The following PLEKHM1 variants were observed in gnomAD, a reference collection of about 807,000 sequenced individuals.
PLEKHM1 encodes pleckstrin homology and RUN domain containing M1.
In PLEKHM1, 28 loss-of-function variants were observed where a neutral mutation model predicts 94.3. That is an observed-to-expected ratio of 0.30 (90% CI 0.22 to 0.41). The LOEUF (loss-of-function observed/expected upper bound fraction) is 0.41, where lower values mean the gene tolerates loss of function less well. PLEKHM1 is among the 10% of genes least tolerant of loss of function. The pLI, the probability that PLEKHM1 is intolerant of heterozygous loss-of-function variation, is 1.00. For synonymous variants in PLEKHM1, 424 were observed against 581.2 expected (o/e 0.73, Z 3.89); for missense variants, 907 against 1,358.6 (o/e 0.67, Z 5.22).
chr17:45,446,837 A>G (rs2050621756), intron 8 of PLEKHM1, among the ~76,000 whole-genome samples: 1 of 152,150 alleles, frequency 6.6e-6, no homozygotes, highest in African/African-American at 2.4e-5. Flanking sequence ...TGCCTCCACC[A>G]CTTTATACCT....
At position 45,436,051 on chromosome 17, in the gene PLEKHM1, A is replaced by C. The variant is rs2050245484; in HGVS notation, c.*1807T>G. ...ATAACATTTTAAAAATAGTGTGGGCACTACCTTTCTGAGGGAGGGGAGGCG... is the reference window on the plus strand; with the variant it reads ...ATAACATTTTAAAAATAGTGTGGGCCCTACCTTTCTGAGGGAGGGGAGGCG... On this transcript the variant is annotated 3_prime_UTR_variant, in exon 12 of 12. Transcript: ENST00000430334. 2.2e-6 allele frequency: 1 copy of C among 456,528 alleles called. No individual in the cohort carries two copies. Among genetic ancestry groups the C allele is most frequent in the South Asian group, 1.5e-5 (1 of 64,580 alleles). 28.3% of individuals were successfully genotyped at this position (456,528 alleles called of 1,614,324 possible).
chr17:45,478,224 G>A, intron 2 of PLEKHM1, 77 bp from the exon 3 acceptor site: 2 of 1,582,038 alleles, frequency 1.3e-6, no homozygotes, highest in Non-Finnish European at 1.7e-6. Flanking sequence ...TCCTTTAGCT[G>A]GTGCCAAATA....
intron 1 of PLEKHM1, among the ~76,000 whole-genome samples, chr17:45,486,573 CA>C (rs1159287439): frequency 4.2e-5 from 6 of 142,208 alleles, no homozygotes; most frequent in Admixed American, 7.1e-5. Flanking sequence ...GACTCCATCT[CA>C]AAAAAAAAAA....
At chr17:45,483,552 T>G (rs2052023085) in intron 1 of PLEKHM1, among the ~76,000 whole-genome samples, 3 of 151,866 alleles carry the variant, frequency 2.0e-5, no homozygotes, top group South Asian at 4.2e-4. Flanking sequence ...CATTCACACG[T>G]AAACAAATCT....
Position 45,468,443 on chromosome 17 carries a change from G to A in PLEKHM1, c.1074C>T (p.Pro358=), listed in dbSNP as rs1278210451. The part of the protein sequence containing the change: ...TYLHCEAPAE[P]LPAQAASGTQ... ...TTCCAGAGGCTGCCTGGGCAGGAAG[G>A]GGCTCTGCAGGTGCCTCACAGTGCA... Residue 358 remains proline, a synonymous_variant, in exon 5 of 12, where the codon CCC becomes CCT. Transcript: ENST00000430334. 3 of 1,614,104 alleles carry A rather than the reference G, an allele frequency of 1.9e-6. No individual in the cohort carries two copies. The African/African-American group carries it at 4.0e-5, about 22-fold the overall frequency.
chr17:45,467,328 C>T (rs1198139785), intron 5 of PLEKHM1, among the ~76,000 whole-genome samples: 4 of 152,176 alleles, frequency 2.6e-5, no homozygotes, highest in Admixed American at 6.5e-5. Context: ...TGAAATCCAG[C>T]GCTTATTTCA....
At chr17:45,443,120 T>C (rs1023513275) in intron 9 of PLEKHM1, among the ~76,000 whole-genome samples, 1 of 152,066 alleles carries the variant, frequency 6.6e-6, no homozygotes, top group Non-Finnish European at 1.5e-5. Flanking sequence ...GCTTGGAAGA[T>C]TGACCTTTGT....
chr17:45,471,466 A>C (rs1224862676), intron 4 of PLEKHM1, among the ~76,000 whole-genome samples: 1 of 151,606 alleles, frequency 6.6e-6, no homozygotes, highest in Non-Finnish European at 1.5e-5. Context: ...AGAGAATTAA[A>C]AACATGTCTA....
chr17:45,486,060 CA>C (rs553932438), intron 1 of PLEKHM1, among the ~76,000 whole-genome samples: 24 of 142,432 alleles, frequency 1.7e-4, no homozygotes, highest in East Asian at 8.6e-4. Flanking sequence ...ACTAAAAATA[CA>C]AAAAAATTAG....
intron 2 of PLEKHM1, among the ~76,000 whole-genome samples, chr17:45,480,063 G>A (rs1405701484): frequency 6.6e-6 from 1 of 151,942 alleles, no homozygotes; most frequent in African/African-American, 2.4e-5. Flanking sequence ...AGTTAAATTT[G>A]AAAAAATATA....
chr17:45,479,406 T>C (rs538679674), intron 2 of PLEKHM1, among the ~76,000 whole-genome samples: 1 of 151,704 alleles, frequency 6.6e-6, no homozygotes, highest in East Asian at 1.9e-4. Flanking sequence ...TAGTCCCAGC[T>C]ACGCGGGAGG....
chr17:45,461,839 T>C lies in PLEKHM1; in HGVS notation c.1309-3400A>G, dbSNP rs540514160. ...ATGGGGTTGCGGGGAGCATCTGGGG[T>C]GAGTGGGCTTGTGGGAGTGGATTCT... is the stretch of plus-strand genomic sequence containing the variant. On this transcript the variant is annotated intron_variant, in intron 5 of 11. Transcript: ENST00000430334. 1.8e-4 allele frequency among the ~76,000 whole-genome samples: 28 copies of C among 152,062 alleles called. 1 individual carries two copies. The East Asian group carries it at 5.4e-3, about 29-fold the overall frequency.
chr17:45,440,825 A>C, intron 9 of PLEKHM1: 1 of 183,460 alleles, frequency 5.5e-6, no homozygotes, highest in Non-Finnish European at 1.2e-5. Context: ...CATTATTGCC[A>C]CCATTACATA....
intron 7 of PLEKHM1, among the ~76,000 whole-genome samples, chr17:45,451,888 G>A (rs1345356825): frequency 6.6e-6 from 1 of 152,252 alleles, no homozygotes; most frequent in African/African-American, 2.4e-5. Flanking sequence ...AAGTGTGAGC[G>A]CTGGGGCAGG....
intron 2 of PLEKHM1, among the ~76,000 whole-genome samples, chr17:45,479,618 A>G (rs1267087208): frequency 6.6e-6 from 1 of 152,048 alleles, no homozygotes; most frequent in Non-Finnish European, 1.5e-5. Flanking sequence ...CCCAGGAGGC[A>G]GAGGTTGTAC....
At chr17:45,489,876 G>A (rs1018734653) in intron 1 of PLEKHM1, among the ~76,000 whole-genome samples, 7 of 152,090 alleles carry the variant, frequency 4.6e-5, no homozygotes, top group African/African-American at 1.4e-4. Context: ...GGGGTGAAAG[G>A]ACATGGAGAT....
chr17:45,472,565 G>A (rs2051551373), intron 4 of PLEKHM1, among the ~76,000 whole-genome samples: 1 of 152,198 alleles, frequency 6.6e-6, no homozygotes, highest in Non-Finnish European at 1.5e-5. Flanking sequence ...CCCTGTGCCT[G>A]GGTCACACTG....
chr17:45,439,369 A>G lies in PLEKHM1; in HGVS notation c.3059+108T>C. ...TGGCACAGCACAAAGTGGATGTTCA[A>G]TAAGTTCCTGCCCACAGAGCGAAGC... is the stretch of plus-strand genomic sequence containing the variant. On this transcript the variant is annotated intron_variant, in intron 11 of 11. Coordinates refer to ENST00000430334, the MANE Select transcript of PLEKHM1 (RefSeq NM_014798.3). The G allele has an allele frequency of 3.9e-6, 5 of 1,282,198 alleles. 1 individual carries two copies. The highest frequency in any genetic ancestry group is 3.7e-5 in the South Asian group (3 of 81,196). The allele number at this position is 1,282,198 out of a possible 1,614,324, so 79.4% of individuals were successfully genotyped here.
chr17:45,475,563 G>T lies in PLEKHM1; in HGVS notation c.460C>A (p.Leu154Met). ...RLHEYYQPTA[L>M]LRDAEEGEFL... The stretch of plus-strand genomic sequence containing the variant: ...TCGCCCTCCTCAGCATCCCGGAGCA[G>T]GGCGGTGGGCTGGTAGTACTCATGC... Residue 154 changes from leucine to methionine, a missense_variant, in exon 4 of 12, where the codon CTG (leucine) becomes ATG (methionine). Physicochemically the swap from Leu to Met is conservative, Grantham distance 15. Transcript: ENST00000430334. 6.2e-7 allele frequency: 1 copy of T among 1,613,598 alleles called. No homozygotes were observed. The highest frequency in any genetic ancestry group is 1.7e-4 in the Middle Eastern group (1 of 6,054).
Sources: allele counts gnomAD v4.1 joint callset (sites outside exome capture counted in the v4.1 genomes callset), GRCh38; gene constraint gnomAD v4.1.1; transcripts MANE v1.5; gene names NCBI Gene and HGNC (gene_info 2026-07-23, HGNC 2026-07-21).